Variants in TXNL4A observed in about 807,000 individuals in gnomAD.
TXNL4A encodes the protein thioredoxin like 4A.
TXNL4A carries 17 observed loss-of-function variants against 14.6 expected under a neutral mutation model. The observed-to-expected ratio is 1.16, with a 90% CI of 0.80 to 1.74. The LOEUF (loss-of-function observed/expected upper bound fraction) is 1.74. Ranked by LOEUF, TXNL4A falls within the 40% of genes most tolerant of loss-of-function variation. The pLI, the probability that TXNL4A is intolerant of heterozygous loss-of-function variation, is 0.00. For synonymous variants in TXNL4A, 83 were observed against 70.6 expected (o/e 1.18, Z -0.88); for missense variants, 74 against 195.2 (o/e 0.38, Z 3.70).
rs1409851244 is a variant in TXNL4A at position 79,985,717 on chromosome 18, T to G, written c.153+2523A>C. Reference sequence around the variant, plus strand: ...ATCCAGCATGAAGTCAAGTGGGCCCTGTGGAAGCAGCAAATCAATACAACA... The same window carrying G: ...ATCCAGCATGAAGTCAAGTGGGCCCGGTGGAAGCAGCAAATCAATACAACA... On this transcript the variant is annotated intron_variant, in intron 1 of 2. Coordinates refer to ENST00000269601, the MANE Select transcript of TXNL4A (RefSeq NM_006701.5). 1.3e-5 allele frequency: 2 copies of G among 152,318 alleles called. 1 individual carries two copies. Among genetic ancestry groups the G allele is most frequent in the Middle Eastern group, 6.8e-3 (2 of 294 alleles). The allele number at this position is 152,318 out of a possible 1,614,324, so 9.4% of individuals were successfully genotyped here. A position where few individuals can be genotyped will look rare whatever the true frequency, so the allele number is the denominator to read the frequency against.
At chr18:80,001,934 G>A (rs563831094) in intron 1 of TXNL4A, among the ~76,000 whole-genome samples, 1 of 152,266 alleles carries the variant, frequency 6.6e-6, no homozygotes, top group Admixed American at 6.5e-5. Context: ...TTTGAAATAT[G>A]AGGACATGAG....
intron 1 of TXNL4A, among the ~76,000 whole-genome samples, chr18:79,994,543 C>T (rs755212967): frequency 2.0e-5 from 3 of 150,996 alleles, no homozygotes; most frequent in South Asian, 2.1e-4. Context: ...AGCAATCCTC[C>T]CAGGGGAAAG....
At position 80,027,884 on chromosome 18, in the gene TXNL4A, G is replaced by A. The variant is rs145836984; in HGVS notation, c.-61+5967C>T. ...GAATTTTAGCTTTCCCAATGCCTGT[G>A]ACTAATAAACAACTTAGAGGATTTT... is the stretch of plus-strand genomic sequence containing the variant. On this transcript the variant is annotated intron_variant, in intron 1 of 2. Transcript: ENST00000585474. Among the ~76,000 whole-genome samples the A allele has an allele frequency of 5.6e-3, 854 of 152,308 alleles. 9 individuals carry two copies. The highest frequency in any genetic ancestry group is 0.019 in the African/African-American group (785 of 41,566).
At chr18:80,015,376 T>TATA (rs1267535316) in intron 1 of TXNL4A, among the ~76,000 whole-genome samples, 1 of 150,966 alleles carries the variant, frequency 6.6e-6, no homozygotes, top group South Asian at 2.1e-4. Flanking sequence ...TTATTATTAT[T>TATA]ATACTTTAAG....
At chr18:79,997,420 G>A (rs1168464802) in intron 1 of TXNL4A, among the ~76,000 whole-genome samples, 5 of 130,564 alleles carry the variant, frequency 3.8e-5, no homozygotes, top group African/African-American at 5.4e-5. Context: ...AGGAGGGGAC[G>A]GAGATTTGTA....
At chr18:79,983,863 T>C (rs575785887) in intron 1 of TXNL4A, among the ~76,000 whole-genome samples, 2 of 152,322 alleles carry the variant, frequency 1.3e-5, no homozygotes, top group South Asian at 4.1e-4. Flanking sequence ...ACAGGTAAGA[T>C]GACCCACGGG....
intron 1 of TXNL4A, among the ~76,000 whole-genome samples, chr18:80,015,723 G>A (rs2051803933): frequency 6.7e-6 from 1 of 150,360 alleles, no homozygotes; most frequent in Non-Finnish European, 1.5e-5. Context: ...AGTATTCCAT[G>A]GTGTATATGT....
intron 1 of TXNL4A, among the ~76,000 whole-genome samples, chr18:80,015,136 G>A (rs1217409636): frequency 6.6e-6 from 1 of 152,136 alleles, no homozygotes; most frequent in Non-Finnish European, 1.5e-5. Flanking sequence ...TGATGGCAGG[G>A]GCCACCATGA....
In TXNL4A at chr18:79,988,206, AC is replaced by A. The variant is rs569164732; in HGVS notation, c.153+33del. 3.4e-6 allele frequency: 5 copies of A among 1,481,888 alleles called. No homozygotes were observed. The South Asian group carries it at 6.6e-5, about 19-fold the overall frequency. 91.8% of individuals were successfully genotyped at this position (1,481,888 alleles called of 1,614,324 possible). On this transcript the variant is annotated intron_variant, in intron 1 of 2. Transcript: ENST00000269601. ...AGAGGCGCGGGGCAGATGCGGAAGC[AC>A]AGCCCGCAGAGCGGGAGAGTCCGGC...
intron 2 of TXNL4A, among the ~76,000 whole-genome samples, chr18:79,976,036 G>A (rs1055975623): frequency 6.6e-6 from 1 of 152,178 alleles, no homozygotes; most frequent in African/African-American, 2.4e-5. Context: ...AATGCAGGGT[G>A]CACCTCACAG....
intron 1 of TXNL4A, among the ~76,000 whole-genome samples, chr18:80,009,929 T>C (rs752413566): frequency 7.2e-5 from 11 of 152,166 alleles, no homozygotes; most frequent in Non-Finnish European, 1.3e-4. Context: ...CCAGTTAAAC[T>C]TCACCATTTT....
intron 1 of TXNL4A, among the ~76,000 whole-genome samples, chr18:80,001,620 G>A (rs1483201916): frequency 2.0e-5 from 3 of 152,184 alleles, no homozygotes; most frequent in Non-Finnish European, 4.4e-5. Flanking sequence ...AGTGTGACCC[G>A]GATGTGAGAC....
At chr18:80,031,199 T>C (rs909814817) in intron 1 of TXNL4A, among the ~76,000 whole-genome samples, 1 of 152,240 alleles carries the variant, frequency 6.6e-6, no homozygotes, top group Non-Finnish European at 1.5e-5. Flanking sequence ...TCCTTTGTGC[T>C]GGGAGCAAAG....
chr18:79,990,614 A>G (rs1316890181), upstream of TXNL4A, among the ~76,000 whole-genome samples: 1 of 152,250 alleles, frequency 6.6e-6, no homozygotes, highest in Non-Finnish European at 1.5e-5. Context: ...TGCTTAACAC[A>G]TCACAAGCAT....
At chr18:80,014,584 G>GTACA (rs1183022246) in intron 1 of TXNL4A, among the ~76,000 whole-genome samples, 4 of 152,196 alleles carry the variant, frequency 2.6e-5, no homozygotes, top group African/African-American at 9.6e-5. Context: ...GCTTTGCAGG[G>GTACA]TACAGCCTCC....
chr18:80,012,601 T>C (rs1375676199), intron 1 of TXNL4A, among the ~76,000 whole-genome samples: 1 of 152,236 alleles, frequency 6.6e-6, no homozygotes, highest in Non-Finnish European at 1.5e-5. Flanking sequence ...TTGCCTTCCC[T>C]ATATCTAATG....
rs1004429753 is a variant in TXNL4A, at chr18:80,025,494, A to G, written c.-61+8357T>C. On this transcript the variant is annotated intron_variant, in intron 1 of 2. Transcript: ENST00000585474. ...TGCTGCTGATTCCCCGACAGCCCCA[A>G]TGGCAGCGTCTCATCTGGAAGATGT... Among the ~76,000 whole-genome samples, 8 of 152,174 alleles carry G rather than the reference A, an allele frequency of 5.3e-5. No individual in the cohort carries two copies. The East Asian group carries it at 5.8e-4, about 11-fold the overall frequency.
intron 1 of TXNL4A, among the ~76,000 whole-genome samples, chr18:80,010,226 A>AG (rs2145114223): frequency 6.6e-6 from 1 of 152,260 alleles, no homozygotes; most frequent in South Asian, 2.1e-4. Flanking sequence ...GCCAGCAGAG[A>AG]GGGGGTCCTG....
chr18:80,021,459 G>A (rs2051848458), intron 1 of TXNL4A, among the ~76,000 whole-genome samples: 1 of 152,142 alleles, frequency 6.6e-6, no homozygotes, highest in Non-Finnish European at 1.5e-5. Flanking sequence ...TTACAGGCAT[G>A]AGCCACTGCC....
Sources: gnomAD v4.1 joint callset for allele counts (sites outside exome capture counted in the v4.1 genomes callset) on GRCh38, gnomAD v4.1.1 for gene constraint, MANE v1.5 for transcripts, NCBI Gene and HGNC (gene_info 2026-07-23, HGNC 2026-07-21) for gene names.